Variants in PTPRD observed in about 807,000 individuals in gnomAD.
PTPRD encodes the protein receptor-type tyrosine-protein phosphatase delta.
A neutral mutation model predicts 214.5 loss-of-function variants in PTPRD; 34 were observed. The observed-to-expected ratio is 0.16, with a 90% CI of 0.12 to 0.21. The LOEUF is 0.21. Ranked by LOEUF, PTPRD falls within the 10% of genes least tolerant of loss-of-function variation. The probability of loss-of-function intolerance (pLI) is 1.00; values close to 1 mark genes in which losing one functional copy is unlikely to be tolerated. For synonymous variants in PTPRD, 1,128 were observed against 845.7 expected, an observed-to-expected ratio of 1.33 and a Z score of -5.79; for missense variants, 2,545 against 2,398.7, an observed-to-expected ratio of 1.06 and a Z score of -1.27.
chr9:10,389,565 T>A (rs1437563544), intron 2 of PTPRD, among the ~76,000 whole-genome samples: 2 of 151,840 alleles, frequency 1.3e-5, no homozygotes, highest in Non-Finnish European at 2.9e-5. Context: ...ACAAAATAAT[T>A]CATATACATT....
chr9:9,850,879 C>G (rs2060432093), intron 5 of PTPRD, among the ~76,000 whole-genome samples: 2 of 152,144 alleles, frequency 1.3e-5, no homozygotes, highest in African/African-American at 4.8e-5. Context: ...CTCTCTGCTT[C>G]TATGAATTTG....
chr9:9,432,095 AAC>A (rs2083427911), intron 8 of PTPRD, among the ~76,000 whole-genome samples: 1 of 149,818 alleles, frequency 6.7e-6, no homozygotes, highest in South Asian at 2.1e-4. Flanking sequence ...TAATAAAAGA[AAC>A]ACTGAAACAA....
intron 14 of PTPRD, among the ~76,000 whole-genome samples, chr9:8,611,498 A>T (rs749880458): frequency 1.3e-5 from 2 of 152,130 alleles, no homozygotes; most frequent in Non-Finnish European, 2.9e-5. Context: ...TGAGCCCAGG[A>T]GTTCGAGACC....
chr9:9,332,649 T>G (rs377083221), intron 9 of PTPRD, among the ~76,000 whole-genome samples: 2 of 151,700 alleles, frequency 1.3e-5, no homozygotes, highest in East Asian at 3.9e-4. Context: ...CATTTTCTAG[T>G]GATGCTAAGG....
At chr9:8,744,088 A>G (rs1414190030) in intron 11 of PTPRD, among the ~76,000 whole-genome samples, 4 of 152,156 alleles carry the variant, frequency 2.6e-5, no homozygotes, top group African/African-American at 9.7e-5. Context: ...AATCAAAACC[A>G]CAATGCAATA....
At chr9:9,678,186 A>C (rs2154395647) in intron 7 of PTPRD, among the ~76,000 whole-genome samples, 1 of 152,238 alleles carries the variant, frequency 6.6e-6, no homozygotes, top group South Asian at 2.1e-4. Flanking sequence ...TCAAGCTACC[A>C]ATGACTTTCT....
chr9:8,739,536 C>T (rs1429770432), intron 11 of PTPRD, among the ~76,000 whole-genome samples: 1 of 152,162 alleles, frequency 6.6e-6, no homozygotes, highest in East Asian at 1.9e-4. Flanking sequence ...ACAGCACAGA[C>T]TACAACTACA....
intron 12 of PTPRD, among the ~76,000 whole-genome samples, chr9:8,648,694 C>A (rs2096745074): frequency 6.6e-6 from 1 of 152,196 alleles, no homozygotes; most frequent in Non-Finnish European, 1.5e-5. Context: ...TACATACAAT[C>A]TCCCAGGCTC....
Position 10,074,308 on chromosome 9 carries a change from G to A in PTPRD, c.-544-40518C>T, listed in dbSNP as rs937984161. On this transcript the variant is annotated intron_variant, in intron 3 of 45. Coordinates refer to ENST00000381196, the MANE Select transcript of PTPRD (RefSeq NM_002839.4). Reference sequence around the variant, plus strand: ...TGTTTAGATAACTATAATATCCACAGCAATGCAAAATAGCTTGCAGTTTGT... The same window carrying A: ...TGTTTAGATAACTATAATATCCACAACAATGCAAAATAGCTTGCAGTTTGT... Among the ~76,000 whole-genome samples the A allele has an allele frequency of 3.9e-5, 6 of 152,034 alleles. No homozygotes were observed. The East Asian group carries it at 5.8e-4, about 15-fold the overall frequency.
intron 20 of PTPRD, among the ~76,000 whole-genome samples, chr9:8,518,940 A>G (rs2097840367): frequency 2.0e-5 from 3 of 152,212 alleles, no homozygotes; most frequent in Non-Finnish European, 4.4e-5. Context: ...GCCCCAATAA[A>G]TAAATGGTAT....
chr9:8,875,366 A>ATT (rs71500966), intron 11 of PTPRD, among the ~76,000 whole-genome samples: 35 of 150,740 alleles, frequency 2.3e-4, no homozygotes, highest in South Asian at 2.3e-3. Flanking sequence ...TACAAAAATA[A>ATT]TTTTTTTTTT....
intron 8 of PTPRD, among the ~76,000 whole-genome samples, chr9:9,507,181 A>C (rs1239395509): frequency 6.6e-6 from 1 of 151,440 alleles, no homozygotes. Flanking sequence ...TTAACTGATT[A>C]AAAAGCAGGA....
At chr9:9,281,846 G>A (rs980660821) in intron 9 of PTPRD, among the ~76,000 whole-genome samples, 5 of 150,534 alleles carry the variant, frequency 3.3e-5, no homozygotes, top group African/African-American at 4.9e-5. Flanking sequence ...AAACTTGAAA[G>A]CAATCAAGAT....
chr9:8,747,908 C>G (rs1341406270), intron 11 of PTPRD, among the ~76,000 whole-genome samples: 3 of 152,164 alleles, frequency 2.0e-5, no homozygotes, highest in Admixed American at 6.6e-5. Flanking sequence ...ACATTTCAAT[C>G]CCTGTATCTT....
At chr9:10,004,560 T>C (rs1285065816) in intron 4 of PTPRD, among the ~76,000 whole-genome samples, 1 of 151,922 alleles carries the variant, frequency 6.6e-6, no homozygotes, top group Admixed American at 6.6e-5. Context: ...AAGCCACATA[T>C]TATACAATAA....
chr9:9,338,789 A>C (rs901259679), intron 9 of PTPRD, among the ~76,000 whole-genome samples: 132 of 152,124 alleles, frequency 8.7e-4, no homozygotes, highest in African/African-American at 3.0e-3. Flanking sequence ...GCTTGCTGCA[A>C]CCATCAACCC....
intron 3 of PTPRD, among the ~76,000 whole-genome samples, chr9:10,246,797 G>A (rs1401119755): frequency 6.6e-6 from 1 of 151,708 alleles, no homozygotes; most frequent in Non-Finnish European, 1.5e-5. Flanking sequence ...GAGAGGCTGA[G>A]GCAGGAGAAT....
In PTPRD at chr9:10,048,596, C is replaced by G. The variant is rs145162314; in HGVS notation, c.-544-14806G>C. 5.3e-4 allele frequency among the ~76,000 whole-genome samples: 80 copies of G among 152,058 alleles called. 1 individual carries two copies. Among genetic ancestry groups the G allele is most frequent in the African/African-American group, 1.7e-3 (72 of 41,478 alleles). On this transcript the variant is annotated intron_variant, in intron 3 of 45. Transcript: ENST00000381196. ...TTTTTTACTACTAATTTCATTAATA[C>G]TCTAAAACCACTCTAGAAACTGCTG...
At chr9:9,207,855 A>G (rs1036376200) in intron 9 of PTPRD, among the ~76,000 whole-genome samples, 2 of 151,952 alleles carry the variant, frequency 1.3e-5, no homozygotes, top group African/African-American at 2.4e-5. Flanking sequence ...GCATCCATAT[A>G]ATAGAGAACC....
Sources: gnomAD v4.1 joint callset for allele counts (sites outside exome capture counted in the v4.1 genomes callset) on GRCh38, gnomAD v4.1.1 for gene constraint, MANE v1.5 for transcripts, NCBI Gene and HGNC (gene_info 2026-07-23, HGNC 2026-07-21) for gene names.